The following SDK1 variants were observed in gnomAD, a reference collection of about 807,000 sequenced individuals.
SDK1 encodes sidekick cell adhesion molecule 1, also known as protein sidekick-1.
A neutral mutation model predicts 245.5 loss-of-function variants in SDK1; 157 were observed. The ratio of observed to expected loss-of-function variants is 0.64; its 90% CI spans 0.56 to 0.73. The LOEUF (loss-of-function observed/expected upper bound fraction) is 0.73. Among genes scored for constraint, SDK1 ranks in the 30% least tolerant of loss-of-function variants. The probability of loss-of-function intolerance (pLI) is 0.00; values close to 1 mark genes in which losing one functional copy is unlikely to be tolerated. For missense variants in SDK1, 3,583 were observed against 3,002.3 expected (o/e 1.19, Z -4.52); for synonymous variants, 1,647 against 1,278.5 (o/e 1.29, Z -6.15).
intron 1 of SDK1, among the ~76,000 whole-genome samples, chr7:3,463,929 A>G (rs1366169984): frequency 6.6e-6 from 1 of 152,194 alleles, no homozygotes. Flanking sequence ...AGGCATGTGT[A>G]ACCTCAGGGC....
chr7:3,542,169 A>C (rs928379596), intron 1 of SDK1, among the ~76,000 whole-genome samples: 1 of 152,140 alleles, frequency 6.6e-6, no homozygotes, highest in African/African-American at 2.4e-5. Flanking sequence ...CCAATGATAG[A>C]TTTTTCTAAT....
intron 1 of SDK1, among the ~76,000 whole-genome samples, chr7:3,588,430 C>T (rs1348869128): frequency 1.3e-5 from 2 of 152,146 alleles, no homozygotes; most frequent in African/African-American, 4.8e-5. Flanking sequence ...ACAACAGACA[C>T]AAAGTTTCTG....
chr7:3,791,986 G>C (rs1781107821), intron 4 of SDK1, among the ~76,000 whole-genome samples: 1 of 151,956 alleles, frequency 6.6e-6, no homozygotes. Flanking sequence ...AAATTAGCCA[G>C]ATGTAGTGGT....
Position 3,684,762 on chromosome 7 carries a change from G to GAA in SDK1, c.713+42667_713+42668dup, listed in dbSNP as rs34922402. 9.1e-4 allele frequency among the ~76,000 whole-genome samples: 136 copies of GAA among 149,858 alleles called. 1 individual carries two copies. Among genetic ancestry groups the GAA allele is most frequent in the African/African-American group, 3.3e-3 (134 of 40,844 alleles). ...AATTTTGAATTCTCTTGAAATAAAT[G>GAA]AAAAAAAAAAATAGAAAATCTTAGC... is the stretch of plus-strand genomic sequence containing the variant. On this transcript the variant is annotated intron_variant, in intron 4 of 44. Coordinates refer to ENST00000404826, the MANE Select transcript of SDK1 (RefSeq NM_152744.4).
intron 5 of SDK1, among the ~76,000 whole-genome samples, chr7:3,911,353 G>T (rs1379143132): frequency 6.6e-6 from 1 of 152,184 alleles, no homozygotes; most frequent in African/African-American, 2.4e-5. Context: ...GCCATAGACA[G>T]AGTGGCTTGT....
intron 30 of SDK1, among the ~76,000 whole-genome samples, chr7:4,152,651 G>C (rs1180097168): frequency 2.0e-5 from 3 of 152,190 alleles, no homozygotes; most frequent in Non-Finnish European, 4.4e-5. Flanking sequence ...TAGGACAAAT[G>C]CTTCCTCTGC....
intron 5 of SDK1, among the ~76,000 whole-genome samples, chr7:3,849,047 C>T (rs1052865064): frequency 2.0e-5 from 3 of 152,204 alleles, no homozygotes; most frequent in African/African-American, 7.2e-5. Context: ...TCTTCACTTC[C>T]TGGCCTGGTA....
chr7:3,765,780 T>A (rs2190251), intron 4 of SDK1, among the ~76,000 whole-genome samples: 13,194 of 152,164 alleles, frequency 0.087, 635 homozygotes, highest in Non-Finnish European at 0.091. Context: ...TGATTTTTTT[T>A]AAAAATTCTA....
rs142287361 is a variant in SDK1, at chr7:3,415,334, A to G, written c.298+113450A>G. ...GAAGTAAACAAAACGTGTAATACTT[A>G]TATAGTGGAAGAGTGTATTGCAGGT... On this transcript the variant is annotated intron_variant, in intron 1 of 44. Coordinates refer to ENST00000404826, the MANE Select transcript of SDK1 (RefSeq NM_152744.4). 8.5e-5 allele frequency among the ~76,000 whole-genome samples: 13 copies of G among 152,312 alleles called. No homozygotes were observed. In the East Asian group the frequency reaches 2.1e-3, roughly 25 times the overall value.
At chr7:3,617,540 G>T (rs748801492) in intron 1 of SDK1, among the ~76,000 whole-genome samples, 2 of 152,194 alleles carry the variant, frequency 1.3e-5, no homozygotes, top group African/African-American at 2.4e-5. Context: ...AACAGACTGG[G>T]TGATTCAAAA....
chr7:3,945,557 C>G (rs183194595), intron 5 of SDK1, among the ~76,000 whole-genome samples: 1 of 151,708 alleles, frequency 6.6e-6, no homozygotes. Flanking sequence ...TCTTGGGAGT[C>G]ACAATATGGT....
At chr7:4,114,634 C>T (rs550193232) in intron 25 of SDK1, among the ~76,000 whole-genome samples, 2 of 152,144 alleles carry the variant, frequency 1.3e-5, no homozygotes, top group African/African-American at 2.4e-5. Flanking sequence ...AATTAATAGA[C>T]GTAGTATGTT....
chr7:3,903,330 A>T (rs1030454601), intron 5 of SDK1, among the ~76,000 whole-genome samples: 4 of 151,796 alleles, frequency 2.6e-5, no homozygotes, highest in African/African-American at 7.3e-5. Flanking sequence ...TTTTTAGTAG[A>T]GACGAGGTTT....
chr7:3,811,901 A>G (rs1343860016), intron 4 of SDK1, among the ~76,000 whole-genome samples: 2 of 152,248 alleles, frequency 1.3e-5, no homozygotes, highest in Non-Finnish European at 2.9e-5. Flanking sequence ...TTCAAAAGCT[A>G]TCACTAGGGA....
rs562327365 is a variant in SDK1 at position 4,235,134 on chromosome 7, A to AG, written c.5992+1719dup. 5.0e-4 allele frequency among the ~76,000 whole-genome samples: 76 copies of AG among 152,010 alleles called. 1 individual carries two copies. The East Asian group carries it at 0.013, about 26-fold the overall frequency. The stretch of plus-strand genomic sequence containing the variant: ...TTGAATTCCGGGGTTGCTCTGTGAG[A>AG]GGGGCTGTGAGGAAGGGACCCAGAG... On this transcript the variant is annotated intron_variant, in intron 41 of 44. Transcript: ENST00000404826.
chr7:3,420,074 T>C (rs185339222), intron 1 of SDK1, among the ~76,000 whole-genome samples: 4 of 152,328 alleles, frequency 2.6e-5, no homozygotes, highest in Admixed American at 2.0e-4. Flanking sequence ...AGTGGCAAAC[T>C]GGAGAGCTTT....
chr7:3,627,768 G>T (rs1306531792), intron 2 of SDK1, among the ~76,000 whole-genome samples: 1 of 152,156 alleles, frequency 6.6e-6, no homozygotes, highest in Non-Finnish European at 1.5e-5. Context: ...ACCCACAGTT[G>T]AGTCATCCTC....
At chr7:3,820,348 C>T (rs1779613913) in intron 4 of SDK1, among the ~76,000 whole-genome samples, 1 of 152,138 alleles carries the variant, frequency 6.6e-6, no homozygotes, top group Admixed American at 6.5e-5. Context: ...TGAGGTTTCA[C>T]CATGTTGGCC....
chr7:4,267,373 G>A lies in SDK1; in HGVS notation c.*1989G>A. On this transcript the variant is annotated 3_prime_UTR_variant, in exon 45 of 45. Transcript: ENST00000404826. Reference sequence around the variant, plus strand: ...TTTCTCCTCCTTTTTCTGAGTGGAGGGGGAAATATTCTAAACCAAAAATCC... The same window carrying A: ...TTTCTCCTCCTTTTTCTGAGTGGAGAGGGAAATATTCTAAACCAAAAATCC... The A allele has an allele frequency of 2.0e-6, 2 of 984,600 alleles. No homozygotes were observed. The highest frequency in any genetic ancestry group is 2.4e-6 in the Non-Finnish European group (2 of 829,642). The allele number at this position is 984,600 out of a possible 1,614,324, so 61.0% of individuals were successfully genotyped here.
Sources: gnomAD v4.1 joint callset for allele counts (sites outside exome capture counted in the v4.1 genomes callset) on GRCh38, gnomAD v4.1.1 for gene constraint, MANE v1.5 for transcripts, NCBI Gene and HGNC (gene_info 2026-07-23, HGNC 2026-07-21) for gene names.